Variants in GRM8 observed in about 807,000 individuals in gnomAD.
GRM8 encodes the protein metabotropic glutamate receptor 8.
A neutral mutation model predicts 87.2 loss-of-function variants in GRM8; 47 were observed. The ratio of observed to expected loss-of-function variants is 0.54; its 90% CI spans 0.43 to 0.69. GRM8 has a LOEUF of 0.69. Among genes scored for constraint, GRM8 ranks in the 30% least tolerant of loss-of-function variants. The pLI is 0.00. For missense variants in GRM8, 1,019 were observed against 1,139.2 expected, an observed-to-expected ratio of 0.89 and a Z score of 1.52; for synonymous variants, 396 against 404.5, an observed-to-expected ratio of 0.98 and a Z score of 0.25.
rs188944795 is a variant in GRM8, at chr7:126,902,516, A to G, written c.1156+26T>C. 6.5e-4 allele frequency: 989 copies of G among 1,512,468 alleles called. 4 individuals are homozygous for G. In the African/African-American group the frequency reaches 0.012, roughly 19 times the overall value. 93.7% of individuals were successfully genotyped at this position (1,512,468 alleles called of 1,614,324 possible). On this transcript the variant is annotated intron_variant, in intron 6 of 10. Transcript: ENST00000339582. ...AAACAAATGAAAATGAAATAAATGC[A>G]CCACAGGAAACATTTGAGTGGTTAC...
At chr7:126,857,938 G>A (rs898823779) in intron 6 of GRM8, among the ~76,000 whole-genome samples, 1 of 152,080 alleles carries the variant, frequency 6.6e-6, no homozygotes, top group African/African-American at 2.4e-5. Context: ...CAAACAGTGA[G>A]AACCTGTCTA....
chr7:126,923,019 G>A (rs985084298), intron 3 of GRM8, among the ~76,000 whole-genome samples: 1 of 152,108 alleles, frequency 6.6e-6, no homozygotes, highest in African/African-American at 2.4e-5. Flanking sequence ...CCAGTCTCAG[G>A]TATTTCTTTA....
At chr7:126,475,886 T>A (rs1003438213) in intron 9 of GRM8, among the ~76,000 whole-genome samples, 11 of 152,084 alleles carry the variant, frequency 7.2e-5, no homozygotes, top group Non-Finnish European at 1.2e-4. Context: ...CAACAAATGG[T>A]GGTGGGAAAA....
intron 3 of GRM8, among the ~76,000 whole-genome samples, chr7:126,965,663 A>T (rs923400494): frequency 6.6e-6 from 1 of 152,118 alleles, no homozygotes; most frequent in African/African-American, 2.4e-5. Context: ...CCTCTCTACC[A>T]TAAGGGTTTT....
Position 127,181,733 on chromosome 7 carries a change from C to T in GRM8, c.510+60962G>A, listed in dbSNP as rs375442633. Among the ~76,000 whole-genome samples the T allele has an allele frequency of 6.6e-5, 10 of 152,016 alleles. No individual in the cohort carries two copies. In the South Asian group the frequency reaches 1.5e-3, roughly 22 times the overall value. Reference sequence around the variant, plus strand: ...TGATCTTCAACAAAGTAAACAAAAACATCAAGTGGGAAAGGACACCCTTTT... The same window carrying T: ...TGATCTTCAACAAAGTAAACAAAAATATCAAGTGGGAAAGGACACCCTTTT... On this transcript the variant is annotated intron_variant, in intron 2 of 10. Transcript: ENST00000339582.
intron 8 of GRM8, among the ~76,000 whole-genome samples, chr7:126,601,521 T>C (rs1797767682): frequency 6.6e-6 from 1 of 151,856 alleles, no homozygotes; most frequent in African/African-American, 2.4e-5. Context: ...ACTTCCACAA[T>C]GGTTGAACTA....
At chr7:126,440,557 A>AT (rs1801352823) in intron 10 of GRM8, among the ~76,000 whole-genome samples, 2 of 151,834 alleles carry the variant, frequency 1.3e-5, no homozygotes, top group Non-Finnish European at 2.9e-5. Flanking sequence ...CATGTATACC[A>AT]TTTTTTATCT....
chr7:126,777,003 G>A (rs1021741715), intron 6 of GRM8, among the ~76,000 whole-genome samples: 1 of 152,062 alleles, frequency 6.6e-6, no homozygotes, highest in Non-Finnish European at 1.5e-5. Context: ...CTGTAACTGG[G>A]CTACTGCTGA....
At chr7:126,974,464 CAAT>C (rs34032647) in intron 3 of GRM8, among the ~76,000 whole-genome samples, 53,810 of 151,626 alleles carry the variant, frequency 0.35, 10,204 homozygotes, top group East Asian at 0.66. Context: ...CACATATGCA[CAAT>C]AAAATTTATC....
intron 3 of GRM8, chr7:127,058,075 G>A (rs534531157): frequency 8.5e-6 from 4 of 468,396 alleles, no homozygotes; most frequent in South Asian, 1.6e-5. Flanking sequence ...CTGGAATCAC[G>A]TCTTTAACTG....
rs1212447641 is a variant in GRM8, at chr7:127,108,237, A to G, written c.511-1525T>C. Among the ~76,000 whole-genome samples, 6 of 152,310 alleles carry G rather than the reference A, an allele frequency of 3.9e-5. No homozygotes were observed. In the East Asian group the frequency reaches 7.7e-4, roughly 20 times the overall value. ...AGGACACCCCTCCAAATCTCAAACC[A>G]CACACCAAATCTTGCCCTTTCTCAC... On this transcript the variant is annotated intron_variant, in intron 2 of 10. Coordinates refer to ENST00000339582, the MANE Select transcript of GRM8 (RefSeq NM_000845.3).
intron 7 of GRM8, among the ~76,000 whole-genome samples, chr7:126,615,048 G>T (rs1799316114): frequency 6.6e-6 from 1 of 152,132 alleles, no homozygotes; most frequent in South Asian, 2.1e-4. Flanking sequence ...TCCTCGAGAA[G>T]AGCAACTCCA....
At chr7:127,239,462 T>C (rs1263065984) in intron 2 of GRM8, among the ~76,000 whole-genome samples, 1 of 152,218 alleles carries the variant, frequency 6.6e-6, no homozygotes, top group Non-Finnish European at 1.5e-5. Flanking sequence ...GGCATATTTT[T>C]AGATTCTGTG....
In GRM8 at chr7:126,877,602, C is replaced by T. The variant is rs1231198131; in HGVS notation, c.1156+24940G>A. On this transcript the variant is annotated intron_variant, in intron 6 of 10. Coordinates refer to ENST00000339582, the MANE Select transcript of GRM8 (RefSeq NM_000845.3). Reference sequence around the variant, plus strand: ...CACTTTAGCTCATTCTATTCTCTGTCTACCTGAAATGCGGTCCACCAACCA... The same window carrying T: ...CACTTTAGCTCATTCTATTCTCTGTTTACCTGAAATGCGGTCCACCAACCA... Among the ~76,000 whole-genome samples, 6 of 152,178 alleles carry T rather than the reference C, an allele frequency of 3.9e-5. No homozygotes were observed. The Middle Eastern group carries it at 0.017, about 431-fold the overall frequency.
In GRM8 at chr7:127,062,174, AAAG is replaced by A. The variant is rs1364784858; in HGVS notation, c.727+44319_727+44321del. ...AAAAAAAAGGAGAGAGAAAGAAAGA[AAAG>A]AAGACGAAAGGCTAATTCCAGGTAA... On this transcript the variant is annotated intron_variant, in intron 3 of 10. Transcript: ENST00000339582. Among the ~76,000 whole-genome samples, 94 of 152,194 alleles carry A rather than the reference AAAG, an allele frequency of 6.2e-4. 1 individual carries two copies. The highest frequency in any genetic ancestry group is 9.1e-4 in the Non-Finnish European group (62 of 68,006).
At chr7:126,856,810 C>T (rs1442705851) in intron 6 of GRM8, among the ~76,000 whole-genome samples, 2 of 152,120 alleles carry the variant, frequency 1.3e-5, no homozygotes, top group South Asian at 2.1e-4. Flanking sequence ...TGGGGAATAC[C>T]CATCAAAGTG....
intron 2 of GRM8, among the ~76,000 whole-genome samples, chr7:127,121,111 G>A (rs1371089918): frequency 6.6e-6 from 1 of 152,188 alleles, no homozygotes; most frequent in Non-Finnish European, 1.5e-5. Flanking sequence ...GCATTTATAT[G>A]CAGCAGGATA....
chr7:127,172,694 G>A (rs1253112925), intron 2 of GRM8, among the ~76,000 whole-genome samples: 1 of 144,736 alleles, frequency 6.9e-6, no homozygotes, highest in Non-Finnish European at 1.5e-5. Context: ...GGGTGACAGT[G>A]CGAGACTCCG....
At chr7:126,596,022 G>A (rs1797154000) in intron 8 of GRM8, among the ~76,000 whole-genome samples, 1 of 152,102 alleles carries the variant, frequency 6.6e-6, no homozygotes, top group Non-Finnish European at 1.5e-5. Context: ...TACTCAGGAG[G>A]CTGAGCCACA....
Sources: gnomAD v4.1 joint callset for allele counts (sites outside exome capture counted in the v4.1 genomes callset) on GRCh38, gnomAD v4.1.1 for gene constraint, MANE v1.5 for transcripts, NCBI Gene and HGNC (gene_info 2026-07-23, HGNC 2026-07-21) for gene names.